The following NRG1 variants were observed in gnomAD, a reference collection of about 807,000 sequenced individuals.
NRG1 encodes pro-neuregulin-1, membrane-bound isoform.
A neutral mutation model predicts 63.8 loss-of-function variants in NRG1; 18 were observed. The ratio of observed to expected loss-of-function variants is 0.28; its 90% CI spans 0.19 to 0.42. The LOEUF is 0.42. Ranked by LOEUF, NRG1 falls within the 10% of genes least tolerant of loss-of-function variation. NRG1 has a pLI of 1.00. For synonymous variants in NRG1, 302 were observed against 301.3 expected (o/e 1.00, Z -0.02); for missense variants, 762 against 814.7 (o/e 0.94, Z 0.79).
At chr8:31,849,804 G>C (rs1389434220) in intron 1 of NRG1, among the ~76,000 whole-genome samples, 1 of 152,050 alleles carries the variant, frequency 6.6e-6, no homozygotes, top group Non-Finnish European at 1.5e-5. Context: ...AAAATAATGT[G>C]TCAGTTAGGC....
chr8:32,651,586 C>G (rs1424779388), intron 5 of NRG1, among the ~76,000 whole-genome samples: 2 of 152,154 alleles, frequency 1.3e-5, no homozygotes, highest in East Asian at 1.9e-4. Context: ...CCCTGCTTGA[C>G]AACAGATTCT....
At chr8:31,673,456 G>T (rs1807365602) in intron 1 of NRG1, among the ~76,000 whole-genome samples, 1 of 152,130 alleles carries the variant, frequency 6.6e-6, no homozygotes. Context: ...AGTATTACCT[G>T]TCACTTTGTT....
chr8:32,168,890 A>G (rs1258986502), intron 1 of NRG1, among the ~76,000 whole-genome samples: 1 of 152,086 alleles, frequency 6.6e-6, no homozygotes, highest in Non-Finnish European at 1.5e-5. Flanking sequence ...CTTCACTCTG[A>G]AATATAAATT....
exon 1 of NRG1, chr8:31,639,384 C>G (rs1185822758): frequency 6.5e-7 from 1 of 1,534,636 alleles, no homozygotes; most frequent in South Asian, 1.2e-5. Flanking sequence ...CCGCTCCGCT[C>G]CGGCAGCAGC....
In NRG1 at chr8:31,640,027, C is replaced by T. The variant is rs367543152; in HGVS notation, c.37+596C>T. 1.4e-4 allele frequency: 160 copies of T among 1,141,406 alleles called. No homozygotes were observed. The African/African-American group carries it at 2.3e-3, about 17-fold the overall frequency. 70.7% of individuals were successfully genotyped at this position (1,141,406 alleles called of 1,614,324 possible). A position where few individuals can be genotyped will look rare whatever the true frequency, so the allele number is the denominator to read the frequency against. On this transcript the variant is annotated intron_variant, in intron 1 of 10. Coordinates refer to the NRG1 transcript ENST00000519301. This position sits in a 1 kb window ranked among gnomAD's most constrained non-coding sequence, Gnocchi z 6.3. ...CCCGCGCCGCTCCGGGCGTCCCGGC[C>T]CCCGGGCCCAGCGCCCCGGCTCCGC...
chr8:31,741,566 T>C (rs888117231), intron 1 of NRG1, among the ~76,000 whole-genome samples: 7 of 151,956 alleles, frequency 4.6e-5, no homozygotes, highest in African/African-American at 1.7e-4. Flanking sequence ...TGAAAAATAC[T>C]TCAAACGACA....
At chr8:32,043,815 A>T (rs963635390) in intron 1 of NRG1, among the ~76,000 whole-genome samples, 4 of 151,894 alleles carry the variant, frequency 2.6e-5, no homozygotes, top group Non-Finnish European at 5.9e-5. Flanking sequence ...ACAGTAAAAA[A>T]CCTGATATAC....
chr8:31,768,553 A>G (rs1818305039), intron 1 of NRG1, among the ~76,000 whole-genome samples: 1 of 152,314 alleles, frequency 6.6e-6, no homozygotes, highest in East Asian at 1.9e-4. Flanking sequence ...AAAAGAGTAA[A>G]TCAACTATCT....
chr8:32,582,446 C>T (rs2439296), intron 1 of NRG1, among the ~76,000 whole-genome samples: 53,625 of 151,978 alleles, frequency 0.35, 10,065 homozygotes, highest in Middle Eastern at 0.43. Flanking sequence ...CAGTTCCACC[C>T]ATGAATTTAA....
intron 1 of NRG1, among the ~76,000 whole-genome samples, chr8:32,391,716 A>G (rs1461871319): frequency 2.6e-5 from 4 of 152,180 alleles, no homozygotes; most frequent in African/African-American, 7.2e-5. Context: ...ATGGCTGCAT[A>G]GTATTCCATG....
chr8:32,470,678 G>T (rs1031177977), intron 1 of NRG1, among the ~76,000 whole-genome samples: 1 of 152,122 alleles, frequency 6.6e-6, no homozygotes, highest in African/African-American at 2.4e-5. Context: ...GTGTTTGCTG[G>T]TACTGAATCC....
rs185186338 is a variant in NRG1, at chr8:31,654,600, G to A, written c.37+15169G>A. ...CATTGTCTTGCTCACAGGTCAATAA[G>A]GGATATATCTCTTCATTAAAATGGA... is the stretch of plus-strand genomic sequence containing the variant. On this transcript the variant is annotated intron_variant, in intron 1 of 10. Transcript: ENST00000519301. 3.1e-3 allele frequency among the ~76,000 whole-genome samples: 474 copies of A among 152,312 alleles called. 1 individual carries two copies. Among genetic ancestry groups the A allele is most frequent in the Middle Eastern group, 6.8e-3 (2 of 294 alleles).
chr8:32,244,066 C>G (rs1475048858), intron 1 of NRG1, among the ~76,000 whole-genome samples: 1 of 152,122 alleles, frequency 6.6e-6, no homozygotes, highest in Non-Finnish European at 1.5e-5. Flanking sequence ...TGCTCCAGGA[C>G]TTTTAGGAAA....
intron 1 of NRG1, among the ~76,000 whole-genome samples, chr8:32,159,939 C>A (rs1375680897): frequency 1.3e-5 from 2 of 152,162 alleles, no homozygotes; most frequent in Non-Finnish European, 2.9e-5. Flanking sequence ...TTTGGCACAA[C>A]AGCAGAAATT....
At chr8:32,613,082 A>T (rs574408157) in intron 3 of NRG1, among the ~76,000 whole-genome samples, 2 of 152,102 alleles carry the variant, frequency 1.3e-5, no homozygotes, top group African/African-American at 4.8e-5. Context: ...TTCTCGCCTG[A>T]TGCTTGAGAA....
chr8:32,407,228 A>G (rs781198424), intron 1 of NRG1, among the ~76,000 whole-genome samples: 35 of 146,304 alleles, frequency 2.4e-4, no homozygotes, highest in Non-Finnish European at 3.4e-4. Flanking sequence ...ACGCAATTCA[A>G]TGATTTGGTA....
At position 32,755,161 on chromosome 8, in the gene NRG1, T is replaced by G. The variant is rs567075268; in HGVS notation, c.794+687T>G. 2.0e-5 allele frequency among the ~76,000 whole-genome samples: 3 copies of G among 152,236 alleles called. No individual in the cohort carries two copies. In the South Asian group the frequency reaches 6.2e-4, roughly 32 times the overall value. ...TTTGAAAACATAAGAGAGAAAACAT[T>G]AGAATAGATTTGGGTTCCCTATGTT... is the stretch of plus-strand genomic sequence containing the variant. On this transcript the variant is annotated intron_variant, in intron 8 of 11. Transcript: ENST00000356819.
At chr8:32,042,996 A>ATGTGTG (rs1820338366) in intron 1 of NRG1, among the ~76,000 whole-genome samples, 2 of 13,568 alleles carry the variant, frequency 1.5e-4, no homozygotes, top group African/African-American at 2.3e-4. Context: ...GTGTATGAAC[A>ATGTGTG]TGTACACAAA....
At position 32,689,306 on chromosome 8, in the gene NRG1, A is replaced by G. The variant is rs993627796; in HGVS notation, c.503-38643A>G. 7.0e-4 allele frequency among the ~76,000 whole-genome samples: 107 copies of G among 152,320 alleles called. 2 individuals carry two copies. Among genetic ancestry groups the G allele is most frequent in the African/African-American group, 2.6e-3 (106 of 41,566 alleles). Reference sequence around the variant, plus strand: ...CAACAATAAGAGAAATCAAAAAAAAAAAAAGGAAGAGTTCATGGACTCTTG... The same window carrying G: ...CAACAATAAGAGAAATCAAAAAAAAGAAAAGGAAGAGTTCATGGACTCTTG... On this transcript the variant is annotated intron_variant, in intron 5 of 11. Coordinates refer to ENST00000356819, the Ensembl canonical transcript of NRG1.
Sources: gnomAD v4.1 joint callset for allele counts (sites outside exome capture counted in the v4.1 genomes callset) on GRCh38, gnomAD v4.1.1 for gene constraint, Gnocchi (gnomAD v3.1) non-coding constraint, MANE v1.5 for transcripts, NCBI Gene and HGNC (gene_info 2026-07-23, HGNC 2026-07-21) for gene names.